The following FHIP1A variants were observed in gnomAD, a reference collection of about 807,000 sequenced individuals.
FHIP1A encodes FHF complex subunit HOOK interacting protein 1A, also known as FHF complex subunit HOOK-interacting protein 1A.
Under a neutral mutation model 88.6 loss-of-function variants are expected in FHIP1A, and 61 were observed. That is an observed-to-expected ratio of 0.69 (90% CI 0.56 to 0.85). The LOEUF (loss-of-function observed/expected upper bound fraction) is 0.85, where lower values mean the gene tolerates loss of function less well. Among genes scored for constraint, FHIP1A ranks in the 40% least tolerant of loss-of-function variants. The pLI is 0.00. For synonymous variants in FHIP1A, 478 were observed against 496.0 expected (o/e 0.96, Z 0.48); for missense variants, 1,154 against 1,273.5 (o/e 0.91, Z 1.43).
At chr4:151,540,622 C>G (rs998355200) in intron 3 of FHIP1A, among the ~76,000 whole-genome samples, 28 of 152,088 alleles carry the variant, frequency 1.8e-4, no homozygotes, top group African/African-American at 2.4e-5. Context: ...AATAAACTAT[C>G]CTTACTTCAG....
intron 3 of FHIP1A, among the ~76,000 whole-genome samples, chr4:151,516,621 C>G (rs1407889141): frequency 6.6e-6 from 1 of 152,012 alleles, no homozygotes; most frequent in Non-Finnish European, 1.5e-5. Context: ...AACAAACAAC[C>G]CCATCAAAAA....
Position 151,656,509 on chromosome 4 carries a change from C to A in FHIP1A, c.2730+99C>A. 1.6e-6 allele frequency: 2 copies of A among 1,269,882 alleles called. No homozygotes were observed. The highest frequency in any genetic ancestry group is 2.2e-6 in the Non-Finnish European group (2 of 920,732). 78.7% of individuals were successfully genotyped at this position (1,269,882 alleles called of 1,614,324 possible). ...ATTTTGTTTTTCAAAAATTCCTTTG[C>A]TCTAATTCATTTGCTTTCCTTCCCT... On this transcript the variant is annotated intron_variant, in intron 12 of 13. Transcript: ENST00000435205. This position sits in a 1 kb window ranked among gnomAD's most constrained non-coding sequence, Gnocchi z 4.2.
At chr4:151,489,353 A>G (rs1158710894) in intron 3 of FHIP1A, among the ~76,000 whole-genome samples, 1 of 152,198 alleles carries the variant, frequency 6.6e-6, no homozygotes, top group Non-Finnish European at 1.5e-5. Context: ...GGGGAAGGGA[A>G]GGCAGCCAGC....
intron 3 of FHIP1A, among the ~76,000 whole-genome samples, chr4:151,535,711 C>T (rs538282384): frequency 6.6e-6 from 1 of 152,228 alleles, no homozygotes; most frequent in South Asian, 2.1e-4. Flanking sequence ...GTTAAAACTC[C>T]CAGTGCAAGA....
At chr4:151,523,365 A>G (rs896287211) in intron 3 of FHIP1A, among the ~76,000 whole-genome samples, 2 of 152,204 alleles carry the variant, frequency 1.3e-5, no homozygotes, top group Non-Finnish European at 2.9e-5. Flanking sequence ...GAATTTGTTC[A>G]TTTATTGTAT....
At chr4:151,624,557 T>G (rs1352040270) in intron 7 of FHIP1A, among the ~76,000 whole-genome samples, 1 of 152,218 alleles carries the variant, frequency 6.6e-6, no homozygotes, top group Non-Finnish European at 1.5e-5. Context: ...ATATATTTAA[T>G]GTATTACAGA....
intron 2 of FHIP1A, among the ~76,000 whole-genome samples, chr4:151,464,025 G>A (rs1729223669): frequency 6.6e-6 from 1 of 152,002 alleles, no homozygotes; most frequent in Non-Finnish European, 1.5e-5. Flanking sequence ...TAGCCAGTTT[G>A]ATATTTTTAT....
rs1729792938 is a variant in FHIP1A, at chr4:151,478,595, C to CTTGGAGGT, written c.-247-3928_-247-3927insTGGAGGTT. Among the ~76,000 whole-genome samples the CTTGGAGGT allele has an allele frequency of 2.0e-5, 3 of 152,250 alleles. No homozygotes were observed. The South Asian group carries it at 6.2e-4, about 32-fold the overall frequency. The stretch of plus-strand genomic sequence containing the variant: ...GTATGTTTCTTGGAGGTTATCAATA[C>CTTGGAGGT]TAGCTGTGCAAACCAAAGATGTCAA... On this transcript the variant is annotated intron_variant, in intron 2 of 13. Coordinates refer to ENST00000435205, the MANE Select transcript of FHIP1A (RefSeq NM_001109977.3).
At chr4:151,450,607 A>G (rs1728754987) in intron 1 of FHIP1A, among the ~76,000 whole-genome samples, 1 of 152,186 alleles carries the variant, frequency 6.6e-6, no homozygotes, top group Non-Finnish European at 1.5e-5. Context: ...GCTGAGTAAT[A>G]CCACTGTTAG....
chr4:151,511,216 C>A (rs574977362), intron 3 of FHIP1A, among the ~76,000 whole-genome samples: 3 of 152,194 alleles, frequency 2.0e-5, no homozygotes, highest in Non-Finnish European at 4.4e-5. Context: ...ACGGGACTAT[C>A]AGTCCTTTGG....
At chr4:151,570,150 T>A (rs1207052713) in intron 4 of FHIP1A, among the ~76,000 whole-genome samples, 1 of 152,170 alleles carries the variant, frequency 6.6e-6, no homozygotes, top group African/African-American at 2.4e-5. Context: ...CGTCCTGGCT[T>A]CTGTTACTCT....
intron 1 of FHIP1A, among the ~76,000 whole-genome samples, chr4:151,425,624 A>G (rs1733336363): frequency 6.6e-6 from 1 of 152,208 alleles, no homozygotes; most frequent in Non-Finnish European, 1.5e-5. Context: ...CTGCTATCAC[A>G]CAAATTATGT....
chr4:151,631,561 G>C (rs185360767), intron 8 of FHIP1A, among the ~76,000 whole-genome samples: 43 of 152,206 alleles, frequency 2.8e-4, no homozygotes, highest in South Asian at 6.2e-4. Flanking sequence ...CAAAATGGTG[G>C]AATAGGAAGA....
At chr4:151,571,319 T>C (rs980966969) in intron 4 of FHIP1A, among the ~76,000 whole-genome samples, 1 of 152,220 alleles carries the variant, frequency 6.6e-6, no homozygotes, top group African/African-American at 2.4e-5. Flanking sequence ...CTTCAGCCTT[T>C]AAAAATAAGC....
In FHIP1A at chr4:151,608,040, T is replaced by C. The variant is rs199682248; in HGVS notation, c.978+19114T>C. Among the ~76,000 whole-genome samples the C allele has an allele frequency of 3.7e-3, 452 of 121,730 alleles. 2 individuals are homozygous for C. The highest frequency in any genetic ancestry group is 0.035 in the South Asian group (75 of 2,156). 79.9% of individuals were successfully genotyped at this position (121,730 alleles called of 152,430 possible). ...TCTTTTCTTTTTCTTTCTTCTTCTT[T>C]TTTTTTTTTTTTTTTTTTTTTTGAG... On this transcript the variant is annotated intron_variant, in intron 7 of 13. Transcript: ENST00000435205.
At chr4:151,628,823 C>A (rs1736048503) in intron 7 of FHIP1A, among the ~76,000 whole-genome samples, 1 of 152,050 alleles carries the variant, frequency 6.6e-6, no homozygotes, top group Admixed American at 6.6e-5. Context: ...CTGGGAATGA[C>A]CTCTATTCAT....
chr4:151,512,250 A>C (rs1384184838), intron 3 of FHIP1A, among the ~76,000 whole-genome samples: 1 of 152,126 alleles, frequency 6.6e-6, no homozygotes, highest in Non-Finnish European at 1.5e-5. Context: ...AGGAAAACTA[A>C]CAAACAGAAA....
chr4:151,582,320 C>G (rs1734055219), intron 5 of FHIP1A, among the ~76,000 whole-genome samples: 2 of 152,048 alleles, frequency 1.3e-5, no homozygotes, highest in Admixed American at 1.3e-4. Flanking sequence ...TTAAACATTA[C>G]TCATTCACTG....
intron 3 of FHIP1A, among the ~76,000 whole-genome samples, chr4:151,503,121 G>C (rs1228373388): frequency 6.6e-6 from 1 of 152,202 alleles, no homozygotes; most frequent in East Asian, 1.9e-4. Context: ...GAGAGGTCTA[G>C]TATAAAGAAA....
Sources: allele counts gnomAD v4.1 joint callset (sites outside exome capture counted in the v4.1 genomes callset), GRCh38; gene constraint gnomAD v4.1.1; non-coding constraint Gnocchi (gnomAD v3.1); transcripts MANE v1.5; gene names NCBI Gene and HGNC (gene_info 2026-07-23, HGNC 2026-07-21).